PTPRD: variants seen among roughly 807,000 people sequenced by gnomAD.
PTPRD encodes receptor-type tyrosine-protein phosphatase delta.
Under a neutral mutation model 214.5 loss-of-function variants are expected in PTPRD, and 34 were observed. The observed-to-expected ratio is 0.16, with a 90% CI of 0.12 to 0.21. PTPRD has a LOEUF of 0.21. Among genes scored for constraint, PTPRD ranks in the 10% least tolerant of loss-of-function variants. The pLI is 1.00. For synonymous variants in PTPRD, 1,128 were observed against 845.7 expected (o/e 1.33, Z -5.79); for missense variants, 2,545 against 2,398.7 (o/e 1.06, Z -1.27).
chr9:8,843,360 C>T (rs2097604996), intron 11 of PTPRD, among the ~76,000 whole-genome samples: 1 of 152,180 alleles, frequency 6.6e-6, no homozygotes, highest in Admixed American at 6.5e-5. Context: ...ATCTTTCCTG[C>T]TAGAGTCAAC....
chr9:8,318,874 A>G (rs1289938661), intron 45 of PTPRD, among the ~76,000 whole-genome samples: 1 of 152,102 alleles, frequency 6.6e-6, no homozygotes, highest in African/African-American at 2.4e-5. Context: ...CCCATAAAAG[A>G]AACCTATTTT....
At chr9:9,765,578 C>T (rs944199779) in intron 6 of PTPRD, among the ~76,000 whole-genome samples, 6 of 152,186 alleles carry the variant, frequency 3.9e-5, no homozygotes, top group Admixed American at 2.6e-4. Context: ...CATTGTGAAT[C>T]TATTCAATAT....
At chr9:10,575,456 A>C (rs1393643369) in intron 2 of PTPRD, among the ~76,000 whole-genome samples, 1 of 152,156 alleles carries the variant, frequency 6.6e-6, no homozygotes, top group Non-Finnish European at 1.5e-5. Context: ...AAAGTAGAAA[A>C]GCAGTTGCAA....
intron 7 of PTPRD, among the ~76,000 whole-genome samples, chr9:9,712,702 A>G (rs1316158149): frequency 1.3e-5 from 2 of 152,318 alleles, no homozygotes; most frequent in East Asian, 3.9e-4. Flanking sequence ...AAGTTCTCTT[A>G]GTTTATCCAT....
At chr9:9,686,997 T>C (rs2097177229) in intron 7 of PTPRD, among the ~76,000 whole-genome samples, 1 of 151,768 alleles carries the variant, frequency 6.6e-6, no homozygotes, top group Admixed American at 6.6e-5. Context: ...ATTATTACGT[T>C]GTGAGCTCAT....
chr9:9,883,843 T>G (rs2069731060), intron 5 of PTPRD, among the ~76,000 whole-genome samples: 1 of 152,156 alleles, frequency 6.6e-6, no homozygotes, highest in Non-Finnish European at 1.5e-5. Flanking sequence ...GAAGTAGAAC[T>G]GTACCAAAGT....
chr9:9,404,895 T>C (rs190773415), intron 8 of PTPRD, among the ~76,000 whole-genome samples: 2 of 152,234 alleles, frequency 1.3e-5, no homozygotes, highest in Admixed American at 6.5e-5. Flanking sequence ...TTTAATTCAG[T>C]CTTTTCCAAG....
chr9:8,979,484 A>T (rs1362476256), intron 11 of PTPRD, among the ~76,000 whole-genome samples: 1 of 152,126 alleles, frequency 6.6e-6, no homozygotes, highest in East Asian at 1.9e-4. Flanking sequence ...TTTAAACCAC[A>T]TATCTGATAA....
intron 11 of PTPRD, among the ~76,000 whole-genome samples, chr9:8,839,526 TGTTGGCC>T (rs1366292124): frequency 1.1e-4 from 17 of 152,132 alleles, no homozygotes; most frequent in Non-Finnish European, 2.4e-4. Flanking sequence ...GGTTTCATCA[TGTTGGCC>T]AGGCTAGTCT....
At chr9:8,971,362 T>G (rs2154332277) in intron 11 of PTPRD, among the ~76,000 whole-genome samples, 1 of 151,918 alleles carries the variant, frequency 6.6e-6, no homozygotes, top group Admixed American at 6.6e-5. Context: ...CCTTCCTGCC[T>G]GTTCAAAGTC....
chr9:9,927,876 G>T (rs1430133711), intron 5 of PTPRD, among the ~76,000 whole-genome samples: 1 of 152,024 alleles, frequency 6.6e-6, no homozygotes, highest in Non-Finnish European at 1.5e-5. Context: ...TAAAGGACAC[G>T]GGAAGAAAAT....
intron 8 of PTPRD, among the ~76,000 whole-genome samples, chr9:9,399,876 T>C (rs2069509040): frequency 6.6e-6 from 1 of 152,068 alleles, no homozygotes; most frequent in Admixed American, 6.6e-5. Context: ...TAAACAGCTT[T>C]CCTCTACTAA....
intron 2 of PTPRD, among the ~76,000 whole-genome samples, chr9:10,348,691 T>C (rs1026915927): frequency 9.2e-5 from 14 of 152,208 alleles, no homozygotes; most frequent in African/African-American, 3.4e-4. Flanking sequence ...GTAAAGTTTT[T>C]CTAATAATGT....
chr9:9,992,526 A>G lies in PTPRD; in HGVS notation c.-472+41192T>C, dbSNP rs567351567. On this transcript the variant is annotated intron_variant, in intron 4 of 45. Coordinates refer to ENST00000381196, the MANE Select transcript of PTPRD (RefSeq NM_002839.4). ...GTATGTTTATAGCAGCACTATTCACAATAGCAAAGACTTGGAACCAACCCA... is the reference window on the plus strand; with the variant it reads ...GTATGTTTATAGCAGCACTATTCACGATAGCAAAGACTTGGAACCAACCCA... Among the ~76,000 whole-genome samples the G allele has an allele frequency of 2.6e-5, 4 of 152,266 alleles. No individual in the cohort carries two copies. In the East Asian group the frequency reaches 7.7e-4, roughly 29 times the overall value.
chr9:10,341,045 T>C (rs1175119422), intron 2 of PTPRD, 28 bp from the exon 3 acceptor site: 1 of 151,976 alleles, frequency 6.6e-6, no homozygotes, highest in African/African-American at 2.4e-5. Context: ...TTGGGCTAGA[T>C]CCATTATTTT....
At chr9:8,664,777 C>T (rs557087709) in intron 12 of PTPRD, among the ~76,000 whole-genome samples, 83 of 152,296 alleles carry the variant, frequency 5.4e-4, no homozygotes, top group African/African-American at 2.0e-3. Flanking sequence ...TATTCATATA[C>T]AAAGATAAAT....
chr9:10,526,687 G>C (rs1450117775), intron 2 of PTPRD, among the ~76,000 whole-genome samples: 1 of 152,004 alleles, frequency 6.6e-6, no homozygotes, highest in Non-Finnish European at 1.5e-5. Flanking sequence ...ACATAAAAGA[G>C]TTACCCAAAT....
chr9:9,059,809 C>T (rs1213952060), intron 10 of PTPRD, among the ~76,000 whole-genome samples: 2 of 151,888 alleles, frequency 1.3e-5, no homozygotes, highest in African/African-American at 4.8e-5. Context: ...AAATAACTTA[C>T]AGCAAATATT....
intron 11 of PTPRD, among the ~76,000 whole-genome samples, chr9:8,768,738 T>A (rs915117070): frequency 2.0e-5 from 3 of 152,148 alleles, no homozygotes; most frequent in African/African-American, 4.8e-5. Context: ...CATAAAGATA[T>A]AGTCCAAAAC....
Sources: allele counts gnomAD v4.1 joint callset (sites outside exome capture counted in the v4.1 genomes callset), GRCh38; gene constraint gnomAD v4.1.1; transcripts MANE v1.5; gene names NCBI Gene and HGNC (gene_info 2026-07-23, HGNC 2026-07-21).